ASTN2: variants seen among roughly 807,000 people sequenced by gnomAD.
The protein encoded by ASTN2 is astrotactin-2.
ASTN2 carries 54 observed loss-of-function variants against 139.8 expected under a neutral mutation model. That is an observed-to-expected ratio of 0.39 (90% CI 0.31 to 0.48). The LOEUF is 0.48. ASTN2 is among the 20% of genes least tolerant of loss of function. The probability of loss-of-function intolerance (pLI) is 0.95; values close to 1 mark genes in which losing one functional copy is unlikely to be tolerated. For missense variants in ASTN2, 1,565 were observed against 1,725.1 expected (o/e 0.91, Z 1.64); for synonymous variants, 756 against 719.5 (o/e 1.05, Z -0.81).
intron 4 of ASTN2, among the ~76,000 whole-genome samples, chr9:117,133,889 G>A (rs117946712): frequency 0.012 from 1,875 of 152,186 alleles, 21 homozygotes; most frequent in Non-Finnish European, 0.017. Context: ...GAGGTAAAAG[G>A]AGTTATTTCA....
At chr9:116,647,694 A>C (rs1400710549) in intron 17 of ASTN2, among the ~76,000 whole-genome samples, 1 of 152,224 alleles carries the variant, frequency 6.6e-6, no homozygotes, top group Non-Finnish European at 1.5e-5. Flanking sequence ...CCGTCACTGG[A>C]GCGAGTTCAC....
At chr9:116,644,234 GAAAC>G (rs1393640069) in intron 17 of ASTN2, among the ~76,000 whole-genome samples, 2 of 152,164 alleles carry the variant, frequency 1.3e-5, no homozygotes, top group African/African-American at 2.4e-5. Flanking sequence ...AAGTGGAAAT[GAAAC>G]AAACAAGCTT....
intron 13 of ASTN2, among the ~76,000 whole-genome samples, chr9:116,783,211 A>G (rs1041766708): frequency 6.6e-6 from 1 of 152,094 alleles, no homozygotes; most frequent in Non-Finnish European, 1.5e-5. Context: ...TGAATGTATA[A>G]AACAGTTCCT....
Position 116,698,068 on chromosome 9 carries a change from G to A in ASTN2, c.2806+27703C>T, listed in dbSNP as rs748324526. The A allele has an allele frequency of 8.1e-6, 13 of 1,614,022 alleles. No individual in the cohort carries two copies. Among genetic ancestry groups the A allele is most frequent in the African/African-American group, 2.7e-5 (2 of 75,040 alleles). On this transcript the variant is annotated intron_variant, in intron 16 of 22. Transcript: ENST00000313400. The surrounding 1 kb of genome is among the most constrained non-coding windows in gnomAD (Gnocchi z 4.4). The stretch of plus-strand genomic sequence containing the variant: ...CGGTCCTGTGGGCGGCGTCTGCCCC[G>A]GCAATTCTGCCGGAGCTGTGGTTTG...
chr9:117,406,857 AACAC>A (rs59125408), intron 1 of ASTN2, among the ~76,000 whole-genome samples: 10,818 of 144,160 alleles, frequency 0.075, 482 homozygotes, highest in East Asian at 0.14. Context: ...ATTGTCCCCT[AACAC>A]ACACACACAC....
intron 19 of ASTN2, among the ~76,000 whole-genome samples, chr9:116,493,801 T>A (rs1270852079): frequency 1.3e-5 from 2 of 151,680 alleles, no homozygotes; most frequent in Non-Finnish European, 2.9e-5. Context: ...AGTGGGGGGA[T>A]GTGGGGGTGG....
intron 3 of ASTN2, among the ~76,000 whole-genome samples, chr9:117,146,549 G>A (rs929894391): frequency 3.3e-5 from 5 of 151,514 alleles, no homozygotes; most frequent in African/African-American, 7.3e-5. Flanking sequence ...AGAAAGAGGG[G>A]GTCTAAGATG....
At chr9:117,150,467 G>A (rs1459662059) in intron 3 of ASTN2, among the ~76,000 whole-genome samples, 3 of 152,064 alleles carry the variant, frequency 2.0e-5, no homozygotes, top group East Asian at 1.9e-4. Context: ...AGACATCTTC[G>A]GTCTAAGGCT....
At chr9:116,924,419 G>C (rs1011089535) in intron 10 of ASTN2, among the ~76,000 whole-genome samples, 1 of 112,064 alleles carries the variant, frequency 8.9e-6, no homozygotes, top group African/African-American at 3.6e-5. Context: ...GACAGAGCAA[G>C]ACTTCATCTC....
At chr9:117,340,281 A>G (rs551222486) in intron 1 of ASTN2, among the ~76,000 whole-genome samples, 7 of 140,752 alleles carry the variant, frequency 5.0e-5, no homozygotes, top group Non-Finnish European at 1.1e-4. Context: ...GTAGTGAGCC[A>G]AGATTGCGCC....
intron 3 of ASTN2, among the ~76,000 whole-genome samples, chr9:117,203,706 G>T (rs180994629): frequency 6.6e-5 from 10 of 152,262 alleles, no homozygotes; most frequent in African/African-American, 2.4e-4. Context: ...GGAGTCTGGA[G>T]AGCAGCAAAG....
chr9:116,537,717 T>C (rs1290493332), intron 19 of ASTN2, among the ~76,000 whole-genome samples: 2 of 152,292 alleles, frequency 1.3e-5, no homozygotes, highest in East Asian at 1.9e-4. Context: ...CTGACTATCA[T>C]AGAATCAGAA....
intron 10 of ASTN2, among the ~76,000 whole-genome samples, chr9:116,966,126 A>G (rs995717659): frequency 1.1e-4 from 16 of 152,228 alleles, no homozygotes; most frequent in African/African-American, 3.1e-4. Flanking sequence ...AGATCTGTAG[A>G]CGTGTCTCAA....
At chr9:116,946,022 G>A (rs866350950) in intron 10 of ASTN2, among the ~76,000 whole-genome samples, 13 of 152,216 alleles carry the variant, frequency 8.5e-5, no homozygotes, top group Non-Finnish European at 1.6e-4. Context: ...GAGAGAGCAC[G>A]TGTGTGCAAA....
chr9:116,741,353 T>C (rs1829092511), intron 13 of ASTN2, among the ~76,000 whole-genome samples: 1 of 152,148 alleles, frequency 6.6e-6, no homozygotes. Context: ...AGCTATTGAG[T>C]TTGCAGGGAG....
intron 16 of ASTN2, among the ~76,000 whole-genome samples, chr9:116,681,391 A>C (rs893022358): frequency 1.4e-4 from 22 of 152,210 alleles, no homozygotes; most frequent in African/African-American, 5.1e-4. Flanking sequence ...AAACAAATGG[A>C]AGAACATTCC....
intron 6 of ASTN2, among the ~76,000 whole-genome samples, chr9:117,034,894 G>A (rs1838339290): frequency 6.6e-6 from 1 of 152,190 alleles, no homozygotes; most frequent in African/African-American, 2.4e-5. Context: ...AACTGTGTCA[G>A]AACTCTTGCC....
At chr9:116,899,653 C>T (rs956826820) in intron 10 of ASTN2, among the ~76,000 whole-genome samples, 1 of 152,162 alleles carries the variant, frequency 6.6e-6, no homozygotes, top group African/African-American at 2.4e-5. Flanking sequence ...TACAGTTTAA[C>T]TTTGAAACAA....
chr9:117,363,044 T>C (rs564214323), intron 1 of ASTN2, among the ~76,000 whole-genome samples: 11 of 152,272 alleles, frequency 7.2e-5, no homozygotes, highest in African/African-American at 2.4e-4. Flanking sequence ...GCTTTTACAA[T>C]GACCAAAATA....
Sources: allele counts gnomAD v4.1 joint callset (sites outside exome capture counted in the v4.1 genomes callset), GRCh38; gene constraint gnomAD v4.1.1; non-coding constraint Gnocchi (gnomAD v3.1); transcripts MANE v1.5; gene names NCBI Gene and HGNC (gene_info 2026-07-23, HGNC 2026-07-21).